MYO19: variants seen among roughly 807,000 people sequenced by gnomAD.
MYO19 encodes unconventional myosin-XIX.
A neutral mutation model predicts 129.2 loss-of-function variants in MYO19; 132 were observed. The ratio of observed to expected loss-of-function variants is 1.02; its 90% CI spans 0.89 to 1.18. The LOEUF is 1.18. Among genes scored for constraint, MYO19 ranks in the 50% most tolerant of loss-of-function variants. The pLI is 0.00. For missense variants in MYO19, 1,210 were observed against 1,216.7 expected, an observed-to-expected ratio of 0.99 and a Z score of 0.08; for synonymous variants, 531 against 477.2, an observed-to-expected ratio of 1.11 and a Z score of -1.47.
chr17:36,497,405 A>G (rs2071088481), intron 25 of MYO19, among the ~76,000 whole-genome samples: 1 of 152,026 alleles, frequency 6.6e-6, no homozygotes, highest in African/African-American at 2.4e-5. Context: ...ACCAAGCAAT[A>G]CAATTTGGGG....
intron 6 of MYO19, among the ~76,000 whole-genome samples, 183 bp downstream of exon 6, chr17:36,525,045 T>C (rs890333293): frequency 6.6e-6 from 1 of 152,202 alleles, no homozygotes; most frequent in South Asian, 2.1e-4. Flanking sequence ...TGGACTGGTA[T>C]CCTGTCTCTT....
rs1035703594 is a variant in MYO19 at position 36,498,270 on chromosome 17, G to C, written c.2753C>G (p.Pro918Arg). 3 of 1,610,258 alleles carry C rather than the reference G, an allele frequency of 1.9e-6. No homozygotes were observed. The African/African-American group carries it at 4.0e-5, about 22-fold the overall frequency. The change falls in exon 25 of 26, where the codon CCT becomes CGT. Residue 918 changes from proline (P) to arginine (R), a missense_variant. By Grantham distance (103) the Pro-to-Arg change is moderately radical (BLOSUM62 -2). Coordinates refer to ENST00000614623, the MANE Select transcript of MYO19 (RefSeq NM_001163735.2). The stretch of plus-strand genomic sequence containing the variant: ...TGGCCATCACACACAACGTACCTGA[G>C]GCAGCGCTCGGATGGACGTGACACC... ...QAGVTSIRAL[P>R]QGSIKFHCRK... is the part of the protein sequence containing the mutation.
chr17:36,543,772 A>G (rs1028980958), upstream of MYO19, among the ~76,000 whole-genome samples: 6 of 151,818 alleles, frequency 4.0e-5, no homozygotes, highest in Admixed American at 3.3e-4. Context: ...TTACAGGTAC[A>G]TGCCACCACG....
chr17:36,498,154 G>A, intron 25 of MYO19, 112 bp downstream of exon 25: 1 of 1,221,014 alleles, frequency 8.2e-7, no homozygotes, highest in Non-Finnish European at 1.1e-6. Flanking sequence ...TACCCAGTAG[G>A]GTTAGGGATG....
intron 6 of MYO19, among the ~76,000 whole-genome samples, chr17:36,517,808 G>A (rs371877595): frequency 1.3e-5 from 2 of 151,988 alleles, no homozygotes; most frequent in Non-Finnish European, 2.9e-5. Context: ...AGGTAATGAC[G>A]CCAGGTGCGG....
chr17:36,507,962 G>C (rs2072036928), intron 14 of MYO19, 38 bp from the exon 15 acceptor site: 1 of 1,550,020 alleles, frequency 6.5e-7, no homozygotes, highest in Non-Finnish European at 8.7e-7. Flanking sequence ...GCCACTGCAG[G>C]GAGCAGATGG....
At chr17:36,544,447 G>A (rs1030983861), upstream of MYO19, among the ~76,000 whole-genome samples, 2 of 152,128 alleles carry the variant, frequency 1.3e-5, no homozygotes, top group Non-Finnish European at 2.9e-5. Context: ...CCCGATGCTC[G>A]TCTCCCTTTT....
Position 36,517,817 on chromosome 17 carries a change from G to A in MYO19, c.415-1827C>T, listed in dbSNP as rs565726044. Among the ~76,000 whole-genome samples the A allele has an allele frequency of 9.9e-5, 15 of 152,070 alleles. No homozygotes were observed. The East Asian group carries it at 1.8e-3, about 18-fold the overall frequency. On this transcript the variant is annotated intron_variant, in intron 6 of 25. Coordinates refer to ENST00000614623, the MANE Select transcript of MYO19 (RefSeq NM_001163735.2). ...TAAATAAGGTAATGACGCCAGGTGC[G>A]GTGGCTCACGCCTGTAATCCCAGCA... is the stretch of plus-strand genomic sequence containing the variant.
intron 3 of MYO19, among the ~76,000 whole-genome samples, chr17:36,528,756 AAAG>A (rs1184186669): frequency 6.6e-6 from 1 of 152,298 alleles, no homozygotes; most frequent in South Asian, 2.1e-4. Context: ...ATTGGGAAGA[AAAG>A]AAGAGATATA....
chr17:36,499,218 G>A (rs937530618), intron 23 of MYO19, 58 bp from the exon 24 acceptor site: 3 of 1,307,240 alleles, frequency 2.3e-6, no homozygotes, highest in East Asian at 5.0e-5. Flanking sequence ...AGAGCTGTCA[G>A]TGACCTCGCT....
chr17:36,507,812 C>A lies in MYO19; in HGVS notation c.1344G>T (p.Arg448Ser). ...TCACCCCATCCCTCACCTGCTGGGC[C>A]CTTAGGTAGTGAGCCACAAAATGCT... ...LQQHFVAHYL[R>S]AQQEEYAVEG... is the part of the protein sequence containing the mutation. The change falls in exon 15 of 26, where the codon AGG (arginine) becomes AGT (serine). Residue 448 changes from arginine (R) to serine (S), a missense_variant. Transcript: ENST00000614623. 6.2e-7 allele frequency: 1 copy of A among 1,611,656 alleles called. No individual in the cohort carries two copies. Among genetic ancestry groups the A allele is most frequent in the South Asian group, 1.1e-5 (1 of 90,740 alleles).
chr17:36,514,625 A>G, intron 8 of MYO19, 77 bp from the exon 9 acceptor site: 5 of 966,772 alleles, frequency 5.2e-6, no homozygotes, highest in Non-Finnish European at 8.2e-6. Context: ...GGTGTGCCAG[A>G]TTGCCTGCTA....
rs934691605 is a variant in MYO19, at chr17:36,524,125, G to C, written c.414+1103C>G. On this transcript the variant is annotated intron_variant, in intron 6 of 25. Transcript: ENST00000614623. Reference sequence around the variant, plus strand: ...TCAGTTCCCCAGAGCAATTCTGGGGGACAAGGCTTCGTTGAGAAGCTGGGC... The same window carrying C: ...TCAGTTCCCCAGAGCAATTCTGGGGCACAAGGCTTCGTTGAGAAGCTGGGC... Among the ~76,000 whole-genome samples the C allele has an allele frequency of 2.0e-5, 3 of 152,296 alleles. No individual in the cohort carries two copies. In the South Asian group the frequency reaches 6.2e-4, roughly 32 times the overall value.
intron 2 of MYO19, 32 bp from the exon 3 acceptor site, chr17:36,532,713 C>T (rs2073899278): frequency 1.3e-6 from 1 of 748,402 alleles, no homozygotes; most frequent in Admixed American, 2.4e-5. Flanking sequence ...AAGGACCACA[C>T]ACAGGTGAGG....
intron 2 of MYO19, chr17:36,533,324 A>G (rs1248898578): frequency 6.6e-6 from 1 of 152,282 alleles, no homozygotes; most frequent in African/African-American, 2.4e-5. Context: ...GGGAGCGCTA[A>G]TCAGGTGAAC....
chr17:36,510,964 C>T, intron 12 of MYO19, 47 bp from the exon 13 acceptor site: 1 of 1,526,962 alleles, frequency 6.5e-7, no homozygotes, highest in Non-Finnish European at 8.8e-7. Context: ...CCATCCAGTC[C>T]TCTTCACGAG....
Position 36,532,573 on chromosome 17 carries a change from G to C in MYO19, c.-35C>G. On this transcript the variant is annotated 5_prime_UTR_variant, in exon 3 of 26. Coordinates refer to ENST00000614623, the MANE Select transcript of MYO19 (RefSeq NM_001163735.2). ...AAGTGGTCAGCCAGGGTTCTGGGTTGCAGGAGGTACAAGGAGTACTATCCA... is the reference window on the plus strand; with the variant it reads ...AAGTGGTCAGCCAGGGTTCTGGGTTCCAGGAGGTACAAGGAGTACTATCCA... The C allele has an allele frequency of 6.4e-7, 1 of 1,553,136 alleles. No homozygotes were observed. The highest frequency in any genetic ancestry group is 8.7e-7 in the Non-Finnish European group (1 of 1,147,822).
At chr17:36,507,288 A>C in intron 16 of MYO19, 111 bp downstream of exon 16, 1 of 1,421,990 alleles carries the variant, frequency 7.0e-7, no homozygotes, top group Non-Finnish European at 9.7e-7. Flanking sequence ...TAGCAGATCT[A>C]TTTGGCAGAC....
intron 6 of MYO19, among the ~76,000 whole-genome samples, chr17:36,518,608 A>ATG (rs2072952007): frequency 7.1e-6 from 1 of 141,418 alleles, no homozygotes; most frequent in East Asian, 2.1e-4. Context: ...ATATAAAAGT[A>ATG]TGTATATATA....
Sources: allele counts gnomAD v4.1 joint callset (sites outside exome capture counted in the v4.1 genomes callset), GRCh38; gene constraint gnomAD v4.1.1; transcripts MANE v1.5; gene names NCBI Gene and HGNC (gene_info 2026-07-23, HGNC 2026-07-21).